Variants in GADL1 observed in about 807,000 individuals in gnomAD.
GADL1 encodes acidic amino acid decarboxylase GADL1.
In GADL1, 71 loss-of-function variants were observed where a neutral mutation model predicts 69.5. That is an observed-to-expected ratio of 1.02 (90% CI 0.84 to 1.25). The LOEUF is 1.25. Among genes scored for constraint, GADL1 ranks in the 50% most tolerant of loss-of-function variants. The pLI is 0.00. For synonymous variants in GADL1, 254 were observed against 214.4 expected, an observed-to-expected ratio of 1.18 and a Z score of -1.62; for missense variants, 737 against 631.8, an observed-to-expected ratio of 1.17 and a Z score of -1.79.
intron 14 of GADL1, among the ~76,000 whole-genome samples, chr3:30,765,758 C>A (rs1041482757): frequency 6.6e-6 from 1 of 152,026 alleles, no homozygotes; most frequent in East Asian, 1.9e-4. Context: ...ACACATTGTC[C>A]CCACCTTCAT....
At chr3:30,835,034 G>T (rs547429019) in intron 9 of GADL1, among the ~76,000 whole-genome samples, 1 of 152,098 alleles carries the variant, frequency 6.6e-6, no homozygotes, top group African/African-American at 2.4e-5. Flanking sequence ...GAAGGGACTA[G>T]CTTGGGCTGT....
In GADL1 at chr3:30,854,592, G is replaced by A. The variant is rs970734030; in HGVS notation, c.428+107C>T. Reference sequence around the variant, plus strand: ...TAAAACTATTCCATTATTTGCGATGGCACTATGCAAAAGAAACCATTAAAT... The same window carrying A: ...TAAAACTATTCCATTATTTGCGATGACACTATGCAAAAGAAACCATTAAAT... On this transcript the variant is annotated intron_variant, in intron 4 of 14. Transcript: ENST00000282538. The A allele has an allele frequency of 8.6e-5, 56 of 651,268 alleles. No individual in the cohort carries two copies. The African/African-American group carries it at 9.9e-4, about 12-fold the overall frequency. 40.3% of individuals were successfully genotyped at this position (651,268 alleles called of 1,614,324 possible).
chr3:30,878,743 G>A (rs1376333971), intron 1 of GADL1, among the ~76,000 whole-genome samples: 2 of 151,850 alleles, frequency 1.3e-5, no homozygotes, highest in Non-Finnish European at 2.9e-5. Context: ...TAAGCGTATT[G>A]TGGTGCTATC....
At chr3:30,823,236 G>T (rs976549033) in intron 11 of GADL1, among the ~76,000 whole-genome samples, 10 of 148,812 alleles carry the variant, frequency 6.7e-5, no homozygotes, top group African/African-American at 1.0e-4. Context: ...GGACAGCCAA[G>T]ACAAGAACCA....
Position 30,728,263 on chromosome 3 carries a change from G to A in GADL1, c.1545C>T (p.Asp515=). 2 of 1,613,824 alleles carry A rather than the reference G, an allele frequency of 1.2e-6. No individual in the cohort carries two copies. Among genetic ancestry groups the A allele is most frequent in the Non-Finnish European group, 1.7e-6 (2 of 1,179,754 alleles). The change falls in exon 15 of 15, where the codon GAC becomes GAT. Residue 515 remains aspartate (D), a synonymous_variant. Transcript: ENST00000282538. The stretch of plus-strand genomic sequence containing the variant: ...ACAGCTACATGTCTTTACCCAGTAA[G>A]TCTATCTCATCCAGGAGGAAGTCCA... The part of the protein sequence containing the change: ...EDMDFLLDEI[D]LLGKDM
chr3:30,861,817 TAAC>T, intron 1 of GADL1, 52 bp from the exon 2 acceptor site: 1 of 1,236,032 alleles, frequency 8.1e-7, no homozygotes, highest in Non-Finnish European at 1.1e-6. Flanking sequence ...TTACACCACA[TAAC>T]AAAGCACGGG....
chr3:30,769,007 C>G (rs1030158730), intron 14 of GADL1, among the ~76,000 whole-genome samples: 1 of 152,138 alleles, frequency 6.6e-6, no homozygotes, highest in East Asian at 1.9e-4. Flanking sequence ...TTTGCAACAA[C>G]AAACTGCATC....
chr3:30,871,662 G>C (rs1323274070), intron 1 of GADL1, among the ~76,000 whole-genome samples: 1 of 151,766 alleles, frequency 6.6e-6, no homozygotes, highest in Non-Finnish European at 1.5e-5. Flanking sequence ...GTCACCCAGA[G>C]TTTTACATTA....
intron 14 of GADL1, among the ~76,000 whole-genome samples, chr3:30,746,922 A>G (rs761244858): frequency 3.3e-5 from 5 of 152,294 alleles, no homozygotes; most frequent in Admixed American, 6.5e-5. Flanking sequence ...GAGTTTAAGC[A>G]TTAAAGGGCA....
At chr3:30,751,969 G>A (rs1183663918) in intron 14 of GADL1, among the ~76,000 whole-genome samples, 2 of 151,312 alleles carry the variant, frequency 1.3e-5, no homozygotes, top group African/African-American at 4.9e-5. Flanking sequence ...AAGAACAACA[G>A]CAAAGACTTA....
chr3:30,809,475 G>A (rs149278517), intron 11 of GADL1, among the ~76,000 whole-genome samples: 33 of 152,248 alleles, frequency 2.2e-4, no homozygotes, highest in African/African-American at 7.0e-4. Context: ...CAATGTAGGA[G>A]GTTCAAATCA....
intron 14 of GADL1, among the ~76,000 whole-genome samples, chr3:30,761,424 G>A (rs973480366): frequency 2.0e-5 from 3 of 152,096 alleles, no homozygotes; most frequent in South Asian, 2.1e-4. Flanking sequence ...ACCCAGTGTC[G>A]GTGGCGCACA....
intron 1 of GADL1, 104 bp downstream of exon 1, chr3:30,894,474 A>G: frequency 1.1e-6 from 1 of 915,456 alleles, no homozygotes; most frequent in Non-Finnish European, 1.6e-6. Context: ...CAGCCGCTTT[A>G]CAAAGAAATA....
intron 11 of GADL1, among the ~76,000 whole-genome samples, chr3:30,830,253 TC>T (rs1284492120): frequency 1.3e-5 from 2 of 151,524 alleles, no homozygotes; most frequent in Admixed American, 6.6e-5. Flanking sequence ...CCCTGCAAAG[TC>T]CCCCCCTGCC....
chr3:30,741,326 T>G (rs1695623179), intron 14 of GADL1, among the ~76,000 whole-genome samples: 1 of 151,294 alleles, frequency 6.6e-6, no homozygotes. Context: ...TTTAATCCAT[T>G]TAAACATTCA....
intron 14 of GADL1, among the ~76,000 whole-genome samples, chr3:30,772,551 A>G (rs904665553): frequency 4.6e-5 from 7 of 152,202 alleles, no homozygotes; most frequent in Non-Finnish European, 8.8e-5. Context: ...AAGCAAAGAT[A>G]CAAACTTATT....
At chr3:30,748,803 A>T (rs922832696) in intron 14 of GADL1, among the ~76,000 whole-genome samples, 5 of 152,198 alleles carry the variant, frequency 3.3e-5, no homozygotes, top group Non-Finnish European at 5.9e-5. Context: ...TTCAACCGTT[A>T]CATTTTGAAT....
At chr3:30,831,862 G>A (rs770543077) in intron 11 of GADL1, among the ~76,000 whole-genome samples, 3 of 151,954 alleles carry the variant, frequency 2.0e-5, no homozygotes, top group Non-Finnish European at 2.9e-5. Flanking sequence ...ACAATCAACA[G>A]AGTCTGACAT....
In GADL1 at chr3:30,844,232, T is replaced by G. The variant is rs773273406; in HGVS notation, c.764A>C (p.Gln255Pro). The change falls in exon 8 of 15, where the codon CAA becomes CCA. Residue 255 changes from glutamine (Q) to proline (P), a missense_variant. Physicochemically the swap from Gln to Pro is moderately conservative, Grantham distance 76. Transcript: ENST00000282538. ...GKMIPEELEK[Q>P]VWQARKEGAA... is the part of the protein sequence containing the mutation. ...CACCTCTTTTCTGGCTTGCCAGACT[T>G]GCTTCTCCAGTTCCTCAGGTATCAT... 5.0e-6 allele frequency: 8 copies of G among 1,612,890 alleles called. No individual in the cohort carries two copies. The South Asian group carries it at 8.8e-5, about 18-fold the overall frequency.
Sources: gnomAD v4.1 joint callset for allele counts (sites outside exome capture counted in the v4.1 genomes callset) on GRCh38, gnomAD v4.1.1 for gene constraint, MANE v1.5 for transcripts, NCBI Gene and HGNC (gene_info 2026-07-23, HGNC 2026-07-21) for gene names.